MUCL1: variants seen among roughly 807,000 people sequenced by gnomAD.
MUCL1 encodes the protein mucin like 1, also known as mucin-like protein 1.
Under a neutral mutation model 9.2 loss-of-function variants are expected in MUCL1, and 11 were observed. The observed-to-expected ratio is 1.19, with a 90% confidence interval of 0.75 to 1.97. The LOEUF is 1.97. MUCL1 is among the 30% of genes most tolerant of loss of function. MUCL1 has a pLI of 0.00. For synonymous variants in MUCL1, 48 were observed against 40.5 expected (o/e 1.19, Z -0.71); for missense variants, 144 against 110.9 (o/e 1.30, Z -1.34).
chr12:54,838,650 G>A (rs1469096909), upstream of MUCL1, among the ~76,000 whole-genome samples: 1 of 151,322 alleles, frequency 6.6e-6, no homozygotes, highest in Non-Finnish European at 1.5e-5. Context: ...TATTTTTTCT[G>A]ATTGAGTTAA....
At chr12:54,849,846 T>C (rs143351047), upstream of MUCL1, among the ~76,000 whole-genome samples, 241 of 152,294 alleles carry the variant, frequency 1.6e-3, no homozygotes, top group Middle Eastern at 6.8e-3. Flanking sequence ...TTTGAAGCAT[T>C]ATAATATTAT....
chr12:54,834,201 T>TA (rs1959189284), intron 1 of MUCL1, among the ~76,000 whole-genome samples: 3 of 152,194 alleles, frequency 2.0e-5, no homozygotes, highest in Non-Finnish European at 1.5e-5. Context: ...GGTTTACTGT[T>TA]ACACTTATTA....
intron 1 of MUCL1, among the ~76,000 whole-genome samples, chr12:54,833,254 C>T (rs913039355): frequency 3.3e-5 from 5 of 151,936 alleles, no homozygotes; most frequent in Admixed American, 6.6e-5. Flanking sequence ...AGTTTTGCAT[C>T]GAATATATAG....
upstream of MUCL1, among the ~76,000 whole-genome samples, chr12:54,837,651 C>A (rs1959195287): frequency 6.6e-6 from 1 of 152,084 alleles, no homozygotes; most frequent in Non-Finnish European, 1.5e-5. Context: ...TGCCCGTAGT[C>A]CCAGCTACTC....
intron 3 of MUCL1, among the ~76,000 whole-genome samples, chr12:54,857,817 T>C (rs142575026): frequency 2.0e-5 from 3 of 152,320 alleles, no homozygotes; most frequent in African/African-American, 4.8e-5. Flanking sequence ...TTATACTTTT[T>C]CATGTCTGAA....
At chr12:54,842,439 C>A (rs1158156134) in intron 1 of MUCL1, among the ~76,000 whole-genome samples, 2 of 151,956 alleles carry the variant, frequency 1.3e-5, no homozygotes, top group Non-Finnish European at 1.5e-5. Context: ...GAAATTTATA[C>A]TGGGGGATTG....
upstream of MUCL1, among the ~76,000 whole-genome samples, chr12:54,852,982 C>G (rs995998344): frequency 1.3e-5 from 2 of 152,190 alleles, no homozygotes; most frequent in Non-Finnish European, 2.9e-5. Flanking sequence ...GACAAGGACA[C>G]TGACTTGTCT....
chr12:54,855,176 G>A lies in MUCL1; in HGVS notation c.100+19G>A. 6.2e-7 allele frequency: 1 copy of A among 1,611,018 alleles called. No individual in the cohort carries two copies. The highest frequency in any genetic ancestry group is 1.1e-5 in the South Asian group (1 of 90,986). Reference sequence around the variant, plus strand: ...CCAGCTAGTGAGTCTGCACTTGAATGTCATCTCTTTCCAGCAATAACCATT... The same window carrying A: ...CCAGCTAGTGAGTCTGCACTTGAATATCATCTCTTTCCAGCAATAACCATT... On this transcript the variant is annotated intron_variant, in intron 2 of 3. Transcript: ENST00000308796.
At chr12:54,831,971 T>C (rs1959186047) in intron 1 of MUCL1, among the ~76,000 whole-genome samples, 2 of 152,104 alleles carry the variant, frequency 1.3e-5, no homozygotes, top group African/African-American at 4.8e-5. Context: ...AAAACAATTC[T>C]TCATCAAAAG....
At chr12:54,833,647 A>C (rs1030360475) in intron 1 of MUCL1, among the ~76,000 whole-genome samples, 1 of 152,150 alleles carries the variant, frequency 6.6e-6, no homozygotes, top group African/African-American at 2.4e-5. Flanking sequence ...AGCCATAAAA[A>C]ATGATGAGTT....
chr12:54,854,490 T>C, upstream of MUCL1: 1 of 958,528 alleles, frequency 1.0e-6, no homozygotes. Flanking sequence ...TGCATATATA[T>C]TGTCAGGATG....
chr12:54,851,188 G>GC (rs1373136993), upstream of MUCL1, among the ~76,000 whole-genome samples: 28 of 152,004 alleles, frequency 1.8e-4, no homozygotes, highest in Non-Finnish European at 1.3e-4. Context: ...GTCAATTTTG[G>GC]TTTTGTTGCC....
At chr12:54,831,620 A>G (rs549928879) in intron 1 of MUCL1, among the ~76,000 whole-genome samples, 1 of 152,236 alleles carries the variant, frequency 6.6e-6, no homozygotes, top group Non-Finnish European at 1.5e-5. Context: ...TAAATGATGC[A>G]TATTCATTGA....
In MUCL1 at chr12:54,832,426, T is replaced by A. The variant is rs543540147; in HGVS notation, n.357+1551T>A. 2.0e-5 allele frequency among the ~76,000 whole-genome samples: 3 copies of A among 152,250 alleles called. No individual in the cohort carries two copies. In the East Asian group the frequency reaches 5.8e-4, roughly 29 times the overall value. On this transcript the variant is annotated intron_variant and non_coding_transcript_variant, in intron 1 of 3. Transcript: ENST00000547990. ...TTTCTGAATAATTTCCTCTGTTTTA[T>A]GTTGTCTTTATCATGTCTTTGATTA...
chr12:54,834,655 T>C (rs1959189944), upstream of MUCL1, among the ~76,000 whole-genome samples: 1 of 152,040 alleles, frequency 6.6e-6, no homozygotes, highest in African/African-American at 2.4e-5. Flanking sequence ...AAGTATAGAA[T>C]ACAGTATCAT....
upstream of MUCL1, among the ~76,000 whole-genome samples, chr12:54,838,310 T>C (rs1447270522): frequency 6.6e-6 from 1 of 152,224 alleles, no homozygotes; most frequent in Non-Finnish European, 1.5e-5. Context: ...GTTAGTTTGA[T>C]ATGTTTTCCT....
At chr12:54,841,740 T>C (rs1211966343) in intron 1 of MUCL1, among the ~76,000 whole-genome samples, 2 of 152,188 alleles carry the variant, frequency 1.3e-5, no homozygotes, top group Non-Finnish European at 2.9e-5. Flanking sequence ...TTATCAGATA[T>C]CTGATTTACA....
At chr12:54,836,393 G>T (rs1959193128), upstream of MUCL1, among the ~76,000 whole-genome samples, 1 of 152,058 alleles carries the variant, frequency 6.6e-6, no homozygotes, top group South Asian at 2.1e-4. Flanking sequence ...AGGTGTTATA[G>T]TAATCTTGAA....
chr12:54,848,464 G>A (rs765182620), intron 1 of MUCL1, among the ~76,000 whole-genome samples: 5 of 152,020 alleles, frequency 3.3e-5, no homozygotes, highest in Non-Finnish European at 7.4e-5. Context: ...TAATGAAAAC[G>A]GCAGTTCCAC....
Sources: gnomAD v4.1 joint callset for allele counts (sites outside exome capture counted in the v4.1 genomes callset) on GRCh38, gnomAD v4.1.1 for gene constraint, MANE v1.5 for transcripts, NCBI Gene and HGNC (gene_info 2026-07-23, HGNC 2026-07-21) for gene names.